Variants in CCDC170 observed in about 807,000 individuals in gnomAD.
The protein encoded by CCDC170 is coiled-coil domain containing 170.
In CCDC170, 69 loss-of-function variants were observed where a neutral mutation model predicts 72.6. The observed-to-expected ratio is 0.95, with a 90% CI of 0.78 to 1.16. CCDC170 has a LOEUF of 1.16. Ranked by LOEUF, CCDC170 falls within the 50% of genes most tolerant of loss-of-function variation. CCDC170 has a pLI of 0.00. For synonymous variants in CCDC170, 300 were observed against 303.9 expected (o/e 0.99, Z 0.13); for missense variants, 852 against 832.5 (o/e 1.02, Z -0.29).
At chr6:151,503,449 T>A (rs1344740792) in intron 1 of CCDC170, among the ~76,000 whole-genome samples, 1 of 151,906 alleles carries the variant, frequency 6.6e-6, no homozygotes, top group African/African-American at 2.4e-5. Flanking sequence ...TGTTTATTTT[T>A]ATTTTTATTT....
At chr6:151,564,219 G>A (rs56275433) in intron 5 of CCDC170, among the ~76,000 whole-genome samples, 20,182 of 152,134 alleles carry the variant, frequency 0.13, 1,968 homozygotes, top group African/African-American at 0.27. Flanking sequence ...GGGCACTTTG[G>A]CTCTGATTGT....
At chr6:151,520,231 C>T (rs1782297619) in intron 1 of CCDC170, among the ~76,000 whole-genome samples, 1 of 152,200 alleles carries the variant, frequency 6.6e-6, no homozygotes, top group Admixed American at 6.5e-5. Context: ...ATTCCTTCCC[C>T]TTGTGATAAG....
intron 5 of CCDC170, among the ~76,000 whole-genome samples, chr6:151,562,027 A>G (rs1002153619): frequency 4.6e-5 from 7 of 152,080 alleles, no homozygotes; most frequent in African/African-American, 7.2e-5. Context: ...AAGCTCTAAC[A>G]TTATTTTGAA....
chr6:151,528,991 T>C (rs1782452706), intron 1 of CCDC170, among the ~76,000 whole-genome samples: 1 of 152,196 alleles, frequency 6.6e-6, no homozygotes, highest in Non-Finnish European at 1.5e-5. Flanking sequence ...TACATCCTTA[T>C]TGAAAAAGTC....
At chr6:151,529,606 G>A (rs1440371874) in intron 1 of CCDC170, among the ~76,000 whole-genome samples, 1 of 152,084 alleles carries the variant, frequency 6.6e-6, no homozygotes, top group African/African-American at 2.4e-5. Context: ...GCAGTGAGCT[G>A]ACATAGAGCC....
chr6:151,596,413 G>A lies in CCDC170; in HGVS notation c.1546G>A (p.Glu516Lys), dbSNP rs564830302. ...CCGGCAGAAAATAGCCCAGCTGGAG[G>A]AGGAGAAGCAGGCACGCACGGCCTT... ...LLRQKIAQLE[E>K]EKQARTALVV... The change falls in exon 9 of 11, where the codon GAG becomes AAG. Residue 516 changes from glutamate (E) to lysine (K), a missense_variant. By Grantham distance (56) the Glu-to-Lys change is moderately conservative (BLOSUM62 1). Coordinates refer to ENST00000239374, the MANE Select transcript of CCDC170 (RefSeq NM_025059.4). The A allele has an allele frequency of 6.2e-7, 1 of 1,614,192 alleles. No individual in the cohort carries two copies. The highest frequency in any genetic ancestry group is 1.3e-5 in the African/African-American group (1 of 75,056).
chr6:151,547,379 ACAGAAAAACAAAT>A (rs1782792566), intron 4 of CCDC170, among the ~76,000 whole-genome samples: 2 of 152,330 alleles, frequency 1.3e-5, no homozygotes, highest in South Asian at 4.1e-4. Flanking sequence ...AAGGTGCAAT[ACAGAAAAACAAAT>A]CAGGATGCAG....
rs140753736 is a variant in CCDC170 at position 151,525,201 on chromosome 6, G to A, written c.58-11117G>A. Among the ~76,000 whole-genome samples the A allele has an allele frequency of 5.6e-3, 854 of 152,114 alleles. 6 individuals are homozygous for A. Among genetic ancestry groups the A allele is most frequent in the African/African-American group, 0.019 (802 of 41,504 alleles). ...CCTGCCTCGGCCTCCCAAAGTGCTG[G>A]GATTACAGGCGTGAGCCACCACACC... On this transcript the variant is annotated intron_variant, in intron 1 of 10. Coordinates refer to ENST00000239374, the MANE Select transcript of CCDC170 (RefSeq NM_025059.4).
intron 5 of CCDC170, among the ~76,000 whole-genome samples, chr6:151,563,206 A>G (rs1475603162): frequency 1.3e-5 from 2 of 152,170 alleles, no homozygotes; most frequent in Non-Finnish European, 2.9e-5. Flanking sequence ...TCAGCATGGT[A>G]GAGCTGCTGT....
At chr6:151,570,718 C>T (rs368854263) in intron 5 of CCDC170, among the ~76,000 whole-genome samples, 1 of 152,176 alleles carries the variant, frequency 6.6e-6, no homozygotes, top group East Asian at 1.9e-4. Context: ...ATCACCTTTA[C>T]TGATACTAGT....
intron 8 of CCDC170, among the ~76,000 whole-genome samples, chr6:151,593,483 T>C (rs763208180): frequency 1.0e-3 from 152 of 152,218 alleles, no homozygotes; most frequent in African/African-American, 2.3e-3. Flanking sequence ...TCACTGTGTG[T>C]AATGGGTACC....
chr6:151,523,303 G>A (rs1479896739), intron 1 of CCDC170, among the ~76,000 whole-genome samples: 2 of 152,122 alleles, frequency 1.3e-5, no homozygotes, highest in Non-Finnish European at 2.9e-5. Flanking sequence ...CAAGGATTTA[G>A]TGCATCACAG....
At chr6:151,578,446 A>G (rs1251683631) in intron 6 of CCDC170, among the ~76,000 whole-genome samples, 7 of 152,062 alleles carry the variant, frequency 4.6e-5, no homozygotes, top group African/African-American at 1.7e-4. Context: ...GTGTGTTCAC[A>G]TTGCCTTCCT....
rs182613523 is a variant in CCDC170, at chr6:151,554,663, G to T, written c.774+6174G>T. ...CGCTTGAACCTGGGAGGCAGAGGTTGCAGTGAGCTGAGATGGCACCACTGC... is the reference window on the plus strand; with the variant it reads ...CGCTTGAACCTGGGAGGCAGAGGTTTCAGTGAGCTGAGATGGCACCACTGC... On this transcript the variant is annotated intron_variant, in intron 5 of 10. Coordinates refer to ENST00000239374, the MANE Select transcript of CCDC170 (RefSeq NM_025059.4). 3.3e-4 allele frequency among the ~76,000 whole-genome samples: 50 copies of T among 152,058 alleles called. No homozygotes were observed. In the East Asian group the frequency reaches 9.2e-3, roughly 28 times the overall value.
At chr6:151,506,909 C>T (rs1782074239) in intron 1 of CCDC170, among the ~76,000 whole-genome samples, 1 of 152,208 alleles carries the variant, frequency 6.6e-6, no homozygotes, top group African/African-American at 2.4e-5. Flanking sequence ...AATATCAGTT[C>T]TTCCCTGGGT....
rs35011106 is a variant in CCDC170 at position 151,620,189 on chromosome 6, C to CAAAAAAAAAAAA, written c.*2048_*2059dup. ...CCAATAAATGTAGAATGGATGATTC[C>CAAAAAAAAAAAA]AAAAAAAAAAAAAAAAAGAAGAAAG... On this transcript the variant is annotated 3_prime_UTR_variant, in exon 11 of 11. Coordinates refer to ENST00000239374, the MANE Select transcript of CCDC170 (RefSeq NM_025059.4). 2 of 104,672 alleles carry CAAAAAAAAAAAA rather than the reference C, an allele frequency of 1.9e-5. No homozygotes were observed. The highest frequency in any genetic ancestry group is 1.0e-4 in the Admixed American group (1 of 9,940). 6.5% of individuals were successfully genotyped at this position (104,672 alleles called of 1,614,324 possible).
At chr6:151,584,355 G>C (rs926288145) in intron 6 of CCDC170, among the ~76,000 whole-genome samples, 18 of 151,950 alleles carry the variant, frequency 1.2e-4, no homozygotes, top group Non-Finnish European at 2.2e-4. Context: ...AGACCTCACA[G>C]GGAAGAGTTT....
intron 5 of CCDC170, among the ~76,000 whole-genome samples, chr6:151,553,184 T>C (rs1244165749): frequency 6.6e-6 from 1 of 152,192 alleles, no homozygotes; most frequent in Non-Finnish European, 1.5e-5. Flanking sequence ...TATTGAATAC[T>C]TACCATTAGC....
intron 1 of CCDC170, among the ~76,000 whole-genome samples, chr6:151,517,251 G>C (rs1253983788): frequency 6.6e-6 from 1 of 152,062 alleles, no homozygotes; most frequent in Non-Finnish European, 1.5e-5. Context: ...AGAATTGCTT[G>C]AATCTGGGAG....
Sources: allele counts gnomAD v4.1 joint callset (sites outside exome capture counted in the v4.1 genomes callset), GRCh38; gene constraint gnomAD v4.1.1; transcripts MANE v1.5; gene names NCBI Gene and HGNC (gene_info 2026-07-23, HGNC 2026-07-21).